AKT3: variants seen among roughly 807,000 people sequenced by gnomAD.
The protein encoded by AKT3 is AKT serine/threonine kinase 3, also known as RAC-gamma serine/threonine-protein kinase.
In AKT3, 15 loss-of-function variants were observed where a neutral mutation model predicts 65.3. That is an observed-to-expected ratio of 0.23 (90% CI 0.15 to 0.35). AKT3 has a LOEUF of 0.35. AKT3 is among the 10% of genes least tolerant of loss of function. The pLI is 1.00. For synonymous variants in AKT3, 206 were observed against 183.8 expected, an observed-to-expected ratio of 1.12 and a Z score of -0.98; for missense variants, 243 against 576.5, an observed-to-expected ratio of 0.42 and a Z score of 5.92.
intron 2 of AKT3, among the ~76,000 whole-genome samples, chr1:243,781,560 C>G (rs1690918830): frequency 1.3e-5 from 2 of 152,084 alleles, no homozygotes; most frequent in South Asian, 4.1e-4. Context: ...CCAGTATATA[C>G]CTTTTGTTGC....
intron 8 of AKT3, among the ~76,000 whole-genome samples, chr1:243,609,601 T>C (rs1677711626): frequency 6.6e-6 from 1 of 152,166 alleles, no homozygotes; most frequent in African/African-American, 2.4e-5. Flanking sequence ...GAAGTTGCAG[T>C]GAGCCGAGAT....
In AKT3 at chr1:243,500,633, A is replaced by AGTT. The variant is rs1260846031; in HGVS notation, c.*4613_*4615dup. 4.4e-6 allele frequency: 1 copy of AGTT among 229,522 alleles called. No individual in the cohort carries two copies. The highest frequency in any genetic ancestry group is 2.2e-5 in the African/African-American group (1 of 44,784). 14.2% of individuals were successfully genotyped at this position (229,522 alleles called of 1,614,324 possible). On this transcript the variant is annotated 3_prime_UTR_variant, in exon 14 of 14. Transcript: ENST00000673466. ...TGACAAACACTAAAGGCAAGGCTGC[A>AGTT]GTTAGTTAGGACAGGTCCCTGACCT... is the stretch of plus-strand genomic sequence containing the variant.
intron 8 of AKT3, among the ~76,000 whole-genome samples, chr1:243,611,914 C>T (rs765773738): frequency 1.3e-5 from 2 of 152,132 alleles, no homozygotes; most frequent in Non-Finnish European, 2.9e-5. Flanking sequence ...AGTGCTAGAT[C>T]ATCCATAAAG....
intron 9 of AKT3, among the ~76,000 whole-genome samples, chr1:243,572,672 C>T (rs188383204): frequency 1.1e-3 from 174 of 152,188 alleles, no homozygotes; most frequent in African/African-American, 3.7e-3. Context: ...GACTTAATCA[C>T]GTTTAACATT....
intron 13 of AKT3, among the ~76,000 whole-genome samples, chr1:243,493,103 A>G (rs1260780520): frequency 1.3e-5 from 2 of 151,884 alleles, no homozygotes; most frequent in African/African-American, 4.8e-5. Flanking sequence ...GTATTCCGGG[A>G]GGGTCAGGGC....
At chr1:243,604,198 T>C (rs1223058265) in intron 8 of AKT3, among the ~76,000 whole-genome samples, 3 of 152,162 alleles carry the variant, frequency 2.0e-5, no homozygotes, top group Admixed American at 1.3e-4. Flanking sequence ...TCCGACAACC[T>C]TATCATTTTT....
At chr1:243,616,045 C>T (rs749426393) in intron 6 of AKT3, among the ~76,000 whole-genome samples, 33 of 151,548 alleles carry the variant, frequency 2.2e-4, no homozygotes, top group Admixed American at 4.6e-4. Context: ...TGGTTGGGGG[C>T]GTGGGTGTTA....
At chr1:243,845,511 G>A (rs1453516987) in intron 1 of AKT3, among the ~76,000 whole-genome samples, 2 of 69,220 alleles carry the variant, frequency 2.9e-5, no homozygotes, top group Non-Finnish European at 5.9e-5. Context: ...GCTGAGGTGG[G>A]AGGATCACCT....
At chr1:243,641,278 ACACACACACACG>A (rs1265087564) in intron 5 of AKT3, among the ~76,000 whole-genome samples, 4 of 150,192 alleles carry the variant, frequency 2.7e-5, no homozygotes, top group Admixed American at 1.3e-4. Context: ...ATATATACAC[ACACACACACACG>A]CACACACACA....
chr1:243,758,703 C>T (rs1689297156), intron 2 of AKT3, among the ~76,000 whole-genome samples: 1 of 152,174 alleles, frequency 6.6e-6, no homozygotes, highest in African/African-American at 2.4e-5. Context: ...TAGTAAGGAG[C>T]GTGCAACCTA....
At chr1:243,553,734 G>A (rs1321675389) in intron 10 of AKT3, among the ~76,000 whole-genome samples, 1 of 152,120 alleles carries the variant, frequency 6.6e-6, no homozygotes, top group Non-Finnish European at 1.5e-5. Context: ...GTTTGCCTAT[G>A]CTGGAGCAAC....
chr1:243,685,004 CT>C (rs1287673991), intron 3 of AKT3, among the ~76,000 whole-genome samples: 3 of 150,258 alleles, frequency 2.0e-5, no homozygotes, highest in African/African-American at 7.3e-5. Flanking sequence ...TGATGGGGTA[CT>C]TTTTTCCTGT....
intron 2 of AKT3, among the ~76,000 whole-genome samples, chr1:243,708,515 T>G (rs916693558): frequency 2.6e-5 from 4 of 152,026 alleles, no homozygotes; most frequent in Non-Finnish European, 2.9e-5. Context: ...TACATATTTC[T>G]TTCCTCATCA....
chr1:243,787,314 AT>A (rs1207439427), intron 2 of AKT3, among the ~76,000 whole-genome samples: 1 of 152,116 alleles, frequency 6.6e-6, no homozygotes, highest in South Asian at 2.1e-4. Flanking sequence ...ACCCATGCAC[AT>A]TTTTTTAAAT....
chr1:243,750,938 G>C (rs1558777653), intron 2 of AKT3, among the ~76,000 whole-genome samples: 1 of 151,564 alleles, frequency 6.6e-6, no homozygotes, highest in Non-Finnish European at 1.5e-5. Context: ...TTTTTTAAAA[G>C]AAAAAAAACT....
At chr1:243,553,832 G>T (rs1673238092) in intron 10 of AKT3, among the ~76,000 whole-genome samples, 1 of 151,970 alleles carries the variant, frequency 6.6e-6, no homozygotes, top group African/African-American at 2.4e-5. Flanking sequence ...TCATCCAATG[G>T]AATATTCCTC....
At chr1:243,748,034 C>T (rs1688584489) in intron 2 of AKT3, among the ~76,000 whole-genome samples, 1 of 152,176 alleles carries the variant, frequency 6.6e-6, no homozygotes, top group African/African-American at 2.4e-5. Flanking sequence ...TATAATCTCA[C>T]ATCTTTCCCC....
intron 2 of AKT3, among the ~76,000 whole-genome samples, chr1:243,819,586 G>C: frequency 6.6e-6 from 1 of 152,214 alleles, no homozygotes; most frequent in East Asian, 1.9e-4. Context: ...AGGAATCCAG[G>C]TAGTCCAGAG....
At chr1:243,686,713 G>T (rs1354105448) in intron 3 of AKT3, among the ~76,000 whole-genome samples, 3 of 116,260 alleles carry the variant, frequency 2.6e-5, no homozygotes, top group Non-Finnish European at 5.0e-5. Flanking sequence ...TGTCGCCAAG[G>T]CTTGAGTACA....
Sources: gnomAD v4.1 joint callset for allele counts (sites outside exome capture counted in the v4.1 genomes callset) on GRCh38, gnomAD v4.1.1 for gene constraint, MANE v1.5 for transcripts, NCBI Gene and HGNC (gene_info 2026-07-23, HGNC 2026-07-21) for gene names.